Variants in CCDC180 observed in about 807,000 individuals in gnomAD.
The protein encoded by CCDC180 is coiled-coil domain containing 180.
Under a neutral mutation model 209.2 loss-of-function variants are expected in CCDC180, and 154 were observed. The ratio of observed to expected loss-of-function variants is 0.74; its 90% CI spans 0.65 to 0.84. The LOEUF (loss-of-function observed/expected upper bound fraction) is 0.84. CCDC180 is among the 40% of genes least tolerant of loss of function. CCDC180 has a pLI of 0.00. For missense variants in CCDC180, 1,874 were observed against 1,997.3 expected, an observed-to-expected ratio of 0.94 and a Z score of 1.18; for synonymous variants, 778 against 749.1, an observed-to-expected ratio of 1.04 and a Z score of -0.63.
chr9:97,347,246 C>T lies in CCDC180; in HGVS notation c.2499-68C>T. The T allele has an allele frequency of 4.8e-6, 7 of 1,472,136 alleles. No individual in the cohort carries two copies. In the South Asian group the frequency reaches 9.1e-5, roughly 19 times the overall value. 91.2% of individuals were successfully genotyped at this position (1,472,136 alleles called of 1,614,324 possible). A position where few individuals can be genotyped will look rare whatever the true frequency, so the allele number is the denominator to read the frequency against. ...TGAAAGGGGGAAGCACTTTGGGTCT[C>T]CATATGGAAAGACCTCTCATGGGTC... On this transcript the variant is annotated intron_variant, in intron 19 of 36. Coordinates refer to ENST00000529487, the MANE Select transcript of CCDC180 (RefSeq NM_020893.6).
At chr9:97,361,941 C>T (rs763407417) in intron 27 of CCDC180, 43 bp downstream of exon 27, 3 of 1,596,576 alleles carry the variant, frequency 1.9e-6, no homozygotes, top group Non-Finnish European at 2.6e-6. Flanking sequence ...CCACCCCTGC[C>T]CCTGGCCCTG....
In CCDC180 at chr9:97,313,312, C is replaced by T; in HGVS notation, c.426C>T (p.Ala142=). 6.2e-7 allele frequency: 1 copy of T among 1,612,326 alleles called. No homozygotes were observed. The highest frequency in any genetic ancestry group is 8.5e-7 in the Non-Finnish European group (1 of 1,178,876). Residue 142 remains alanine (A), a synonymous_variant, in exon 5 of 37, where the codon GCC becomes GCT. Transcript: ENST00000529487. ...GGAAGAGCTACGAGAGCGCTCTGGCCAGCTTTCAGGAGGAGATTGCGCAGG... is the reference window on the plus strand; with the variant it reads ...GGAAGAGCTACGAGAGCGCTCTGGCTAGCTTTCAGGAGGAGATTGCGCAGG... ...HKRKSYESAL[A]SFQEEIAQVG...
intron 19 of CCDC180, chr9:97,345,667 C>T (rs1160381839): frequency 2.6e-6 from 1 of 390,058 alleles, no homozygotes. Flanking sequence ...AGGAGAATCG[C>T]CTGAACCCAG....
chr9:97,361,928 C>T, intron 27 of CCDC180, 30 bp downstream of exon 27: 2 of 1,605,274 alleles, frequency 1.2e-6, no homozygotes, highest in Non-Finnish European at 8.5e-7. Flanking sequence ...ACCTAAGGCT[C>T]TGCCACCCCT....
At position 97,375,600 on chromosome 9, in the gene CCDC180, G is replaced by A; in HGVS notation, c.4842+11G>A. On this transcript the variant is annotated intron_variant, in intron 36 of 36. Transcript: ENST00000529487. ...GATGCTGTGTACCTGGTGAGACAGG[G>A]TGGAGTGGGCGTGTCCCAGGGAGCA... 5 of 1,614,156 alleles carry A rather than the reference G, an allele frequency of 3.1e-6. No individual in the cohort carries two copies. The highest frequency in any genetic ancestry group is 1.7e-4 in the Middle Eastern group (1 of 6,020).
At chr9:97,375,623 G>A (rs768454382) in intron 36 of CCDC180, 34 bp downstream of exon 36, 29 of 1,613,078 alleles carry the variant, frequency 1.8e-5, no homozygotes, top group Non-Finnish European at 2.4e-5. Context: ...GTCCCAGGGA[G>A]CACAGCTCAG....
Position 97,318,257 on chromosome 9 carries a change from G to A in CCDC180, c.960-206G>A, listed in dbSNP as rs566124729. ...CCTCCATTCTTTCCTCCATTCCTCT[G>A]TCCCCGCTTTCTCCCACCCACCCTC... On this transcript the variant is annotated intron_variant, in intron 9 of 36. Transcript: ENST00000529487. 2.0e-5 allele frequency among the ~76,000 whole-genome samples: 3 copies of A among 152,202 alleles called. No homozygotes were observed. The South Asian group carries it at 6.2e-4, about 32-fold the overall frequency.
chr9:97,313,370 C>G (rs1346861309), intron 5 of CCDC180, 25 bp downstream of exon 5: 1 of 1,528,304 alleles, frequency 6.5e-7, no homozygotes, highest in South Asian at 1.1e-5. Context: ...TCTCCCTTCT[C>G]TTCCCTTCCT....
At chr9:97,345,027 G>T (rs1826206304) in intron 19 of CCDC180, among the ~76,000 whole-genome samples, 1 of 152,072 alleles carries the variant, frequency 6.6e-6, no homozygotes, top group South Asian at 2.1e-4. Context: ...TATTGAATGT[G>T]GCTAGGGTTC....
intron 31 of CCDC180, among the ~76,000 whole-genome samples, chr9:97,368,002 T>C (rs540318027): frequency 6.6e-6 from 1 of 152,248 alleles, no homozygotes; most frequent in South Asian, 2.1e-4. Context: ...CCATCCTACA[T>C]GATTGTCCTC....
rs1389459508 is a variant in CCDC180, at chr9:97,358,115, TG to T, written c.3363+391del. On this transcript the variant is annotated intron_variant, in intron 25 of 36. Transcript: ENST00000529487. ...ACCACTTTTTGTTTGACTTTCCACT[TG>T]CTTTTTTTTTTTTTTTTTTTTTTGA... The T allele has an allele frequency of 4.7e-3, 714 of 151,138 alleles. 1 individual carries two copies. Among genetic ancestry groups the T allele is most frequent in the Non-Finnish European group, 7.4e-3 (518 of 70,188 alleles). The allele number at this position is 151,138 out of a possible 1,614,324, so 9.4% of individuals were successfully genotyped here. A position where few individuals can be genotyped will look rare whatever the true frequency, so the allele number is the denominator to read the frequency against.
rs376485938 is a variant in CCDC180, at chr9:97,333,506, T to TTTG, written c.2274+2741_2274+2742insGTT. On this transcript the variant is annotated intron_variant, in intron 18 of 36. Transcript: ENST00000529487. Reference sequence around the variant, plus strand: ...ATCCATTTGGTCCTGGGTTTGGGTTTTTTTTTTTTTTTTTTTTTTTTTTGG... The same window carrying TTTG: ...ATCCATTTGGTCCTGGGTTTGGGTTTTTGTTTTTTTTTTTTTTTTTTTTTTTGG... Among the ~76,000 whole-genome samples the TTTG allele has an allele frequency of 7.2e-3, 892 of 123,652 alleles. 58 individuals are homozygous for TTTG. The highest frequency in any genetic ancestry group is 0.018 in the African/African-American group (502 of 27,746). 81.1% of individuals were successfully genotyped at this position (123,652 alleles called of 152,430 possible). A position where few individuals can be genotyped will look rare whatever the true frequency, so the allele number is the denominator to read the frequency against.
At chr9:97,342,642 C>G (rs1826120791) in intron 18 of CCDC180, among the ~76,000 whole-genome samples, 1 of 152,206 alleles carries the variant, frequency 6.6e-6, no homozygotes, top group Admixed American at 6.5e-5. Flanking sequence ...TCTAAAGTCA[C>G]TCTTCAACCT....
intron 34 of CCDC180, chr9:97,372,284 C>T (rs1179039921): frequency 1.3e-5 from 2 of 152,170 alleles, no homozygotes; most frequent in East Asian, 3.8e-4. Context: ...CACCAATAGC[C>T]TGGCAAAGTT....
chr9:97,338,661 G>A (rs1332632968), intron 18 of CCDC180, among the ~76,000 whole-genome samples: 1 of 152,228 alleles, frequency 6.6e-6, no homozygotes, highest in Non-Finnish European at 1.5e-5. Context: ...GGAGAGTTCT[G>A]TAGATGTCTA....
intron 18 of CCDC180, among the ~76,000 whole-genome samples, chr9:97,338,951 G>A (rs1825992095): frequency 6.6e-6 from 1 of 152,074 alleles, no homozygotes; most frequent in Non-Finnish European, 1.5e-5. Flanking sequence ...TTGGTTTAAA[G>A]TCTGTTTTAT....
chr9:97,369,744 C>G (rs1225717073), intron 31 of CCDC180, 178 bp from the exon 32 acceptor site: 1 of 610,374 alleles, frequency 1.6e-6, no homozygotes, highest in African/African-American at 1.9e-5. Context: ...GCTGGCTAAC[C>G]CTGTATTTTC....
At chr9:97,365,415 T>G (rs543376701) in intron 29 of CCDC180, 6 of 447,002 alleles carry the variant, frequency 1.3e-5, no homozygotes, top group African/African-American at 9.9e-5. Flanking sequence ...TCCAAGATCA[T>G]TAAAGCCAGG....
chr9:97,329,759 G>T (rs145231911), intron 16 of CCDC180, among the ~76,000 whole-genome samples: 2 of 152,102 alleles, frequency 1.3e-5, no homozygotes, highest in Non-Finnish European at 2.9e-5. Context: ...GGGAGGGATG[G>T]GTCCTTTTAC....
Sources: allele counts gnomAD v4.1 joint callset (sites outside exome capture counted in the v4.1 genomes callset), GRCh38; gene constraint gnomAD v4.1.1; transcripts MANE v1.5; gene names NCBI Gene and HGNC (gene_info 2026-07-23, HGNC 2026-07-21).